The following MTMR7 variants were observed in gnomAD, a reference collection of about 807,000 sequenced individuals.
MTMR7 encodes the protein myotubularin related protein 7.
MTMR7 carries 76 observed loss-of-function variants against 81.2 expected under a neutral mutation model. The ratio of observed to expected loss-of-function variants is 0.94; its 90% CI spans 0.78 to 1.13. The LOEUF (loss-of-function observed/expected upper bound fraction) is 1.13. MTMR7 is among the 50% of genes most tolerant of loss of function. The probability of loss-of-function intolerance (pLI) is 0.00; values close to 1 mark genes in which losing one functional copy is unlikely to be tolerated. For synonymous variants in MTMR7, 372 were observed against 289.8 expected (o/e 1.28, Z -2.88); for missense variants, 1,044 against 820.0 (o/e 1.27, Z -3.34).
chr8:17,375,043 C>T (rs567141044), intron 1 of MTMR7, among the ~76,000 whole-genome samples: 3 of 149,590 alleles, frequency 2.0e-5, no homozygotes, highest in African/African-American at 4.9e-5. Context: ...GAGCCGAGAT[C>T]GCACCACTGC....
intron 10 of MTMR7, among the ~76,000 whole-genome samples, chr8:17,306,708 G>A (rs1309561236): frequency 6.6e-6 from 1 of 152,134 alleles, no homozygotes; most frequent in African/African-American, 2.4e-5. Context: ...TTGAGGAAGA[G>A]GAATGAGCAA....
chr8:17,308,496 G>C (rs1817611110), intron 10 of MTMR7, among the ~76,000 whole-genome samples: 1 of 152,138 alleles, frequency 6.6e-6, no homozygotes, highest in Non-Finnish European at 1.5e-5. Flanking sequence ...AAATATACTT[G>C]AGCAGTTGCA....
At chr8:17,385,502 C>T (rs539743985) in intron 1 of MTMR7, among the ~76,000 whole-genome samples, 8 of 152,308 alleles carry the variant, frequency 5.3e-5, no homozygotes, top group East Asian at 1.9e-4. Context: ...CCCACCACCA[C>T]GTAAGAAGTC....
rs546223732 is a variant in MTMR7, at chr8:17,403,099, A to G, written c.24+10170T>C. Among the ~76,000 whole-genome samples, 29 of 151,948 alleles carry G rather than the reference A, an allele frequency of 1.9e-4. No homozygotes were observed. The South Asian group carries it at 3.9e-3, about 21-fold the overall frequency. ...GTCTATTTTTAAATCAGATTATTAGATTTTTTTTCCTATAGAGTTGTTTGA... is the reference window on the plus strand; with the variant it reads ...GTCTATTTTTAAATCAGATTATTAGGTTTTTTTTCCTATAGAGTTGTTTGA... On this transcript the variant is annotated intron_variant, in intron 1 of 13. Coordinates refer to ENST00000180173, the MANE Select transcript of MTMR7 (RefSeq NM_004686.5).
intron 7 of MTMR7, among the ~76,000 whole-genome samples, chr8:17,321,403 T>C (rs10481438): frequency 0.42 from 64,278 of 152,114 alleles, 15,641 homozygotes; most frequent in East Asian, 0.77. Flanking sequence ...AACATTTCTG[T>C]TTTCAGGAGC....
At chr8:17,324,844 C>A (rs913593792) in intron 7 of MTMR7, among the ~76,000 whole-genome samples, 3 of 152,098 alleles carry the variant, frequency 2.0e-5, no homozygotes, top group Non-Finnish European at 4.4e-5. Flanking sequence ...CCTCCAATAG[C>A]TAAGTAATCT....
chr8:17,316,549 T>C (rs970671311), intron 7 of MTMR7, among the ~76,000 whole-genome samples: 3 of 152,056 alleles, frequency 2.0e-5, no homozygotes, highest in East Asian at 1.9e-4. Flanking sequence ...GGCTGGGTCA[T>C]AGAGTTCCTA....
At chr8:17,403,479 G>C (rs1264968311) in intron 1 of MTMR7, among the ~76,000 whole-genome samples, 1 of 152,060 alleles carries the variant, frequency 6.6e-6, no homozygotes. Context: ...GGTTACGGTA[G>C]CTCTGTAGTA....
intron 4 of MTMR7, chr8:17,349,441 G>A: frequency 5.1e-6 from 1 of 194,508 alleles, no homozygotes; most frequent in Non-Finnish European, 1.1e-5. Context: ...GGATTTGCTT[G>A]AAAGACAGAA....
intron 3 of MTMR7, among the ~76,000 whole-genome samples, chr8:17,362,706 T>C (rs139501097): frequency 1.3e-5 from 2 of 152,310 alleles, no homozygotes; most frequent in East Asian, 3.9e-4. Flanking sequence ...ATATACTTCT[T>C]TCTCATAGCT....
chr8:17,331,402 A>G (rs3213603), intron 6 of MTMR7, 120 bp from the exon 7 acceptor site: 295,433 of 1,066,264 alleles, frequency 0.28, 48,464 homozygotes, highest in African/African-American at 0.55. Flanking sequence ...GAAACATAAT[A>G]CGCTTATTTG....
rs187826231 is a variant in MTMR7 at position 17,364,991 on chromosome 8, C to G, written c.311-3717G>C. Among the ~76,000 whole-genome samples, 60 of 152,328 alleles carry G rather than the reference C, an allele frequency of 3.9e-4. No homozygotes were observed. In the East Asian group the frequency reaches 7.9e-3, roughly 20 times the overall value. Reference sequence around the variant, plus strand: ...TTTTTGTTTGTTGTGGAACCTCCATCTGTTTTCCATAATGGCTTGTACTAA... The same window carrying G: ...TTTTTGTTTGTTGTGGAACCTCCATGTGTTTTCCATAATGGCTTGTACTAA... On this transcript the variant is annotated intron_variant, in intron 3 of 13. Coordinates refer to ENST00000180173, the MANE Select transcript of MTMR7 (RefSeq NM_004686.5).
rs139407552 is a variant in MTMR7, at chr8:17,365,556, C to A, written c.311-4282G>T. 8.6e-3 allele frequency among the ~76,000 whole-genome samples: 1,306 copies of A among 152,266 alleles called. 16 individuals are homozygous for A. Among genetic ancestry groups the A allele is most frequent in the African/African-American group, 0.03 (1,235 of 41,546 alleles). The stretch of plus-strand genomic sequence containing the variant: ...AAGCCAGCATATCCAACTAAAACAT[C>A]TTTTGCTGTTAGTGACCAGCAGCTT... On this transcript the variant is annotated intron_variant, in intron 3 of 13. Transcript: ENST00000180173.
chr8:17,345,258 A>G (rs960768926), intron 5 of MTMR7, among the ~76,000 whole-genome samples: 4 of 152,236 alleles, frequency 2.6e-5, no homozygotes, highest in African/African-American at 7.2e-5. Context: ...AAGGTTCCCA[A>G]GTGAAACAAT....
At chr8:17,376,207 T>C (rs1017713300) in intron 1 of MTMR7, among the ~76,000 whole-genome samples, 1 of 152,234 alleles carries the variant, frequency 6.6e-6, no homozygotes, top group Admixed American at 6.5e-5. Context: ...TTCTTTCACT[T>C]AGCAATCATG....
intron 9 of MTMR7, among the ~76,000 whole-genome samples, chr8:17,311,087 A>G (rs1404108750): frequency 6.6e-6 from 1 of 152,202 alleles, no homozygotes; most frequent in Non-Finnish European, 1.5e-5. Context: ...CTGGAAGTGA[A>G]AACAGTTTTT....
chr8:17,304,288 A>T, intron 12 of MTMR7, 91 bp downstream of exon 12: 1 of 1,392,516 alleles, frequency 7.2e-7, no homozygotes, highest in South Asian at 1.5e-5. Context: ...AGCCTCAAAG[A>T]TCAGTGTCAT....
intron 13 of MTMR7, among the ~76,000 whole-genome samples, chr8:17,301,184 GAT>G (rs2150457880): frequency 6.6e-6 from 1 of 152,352 alleles, no homozygotes; most frequent in South Asian, 2.1e-4. Context: ...AAAAGAGATA[GAT>G]AAATACAGAC....
intron 1 of MTMR7, among the ~76,000 whole-genome samples, chr8:17,406,933 T>C (rs1354124286): frequency 2.6e-5 from 4 of 152,114 alleles, no homozygotes; most frequent in African/African-American, 4.8e-5. Context: ...AGAATGTATA[T>C]TTAGTGGTTA....
Sources: gnomAD v4.1 joint callset for allele counts (sites outside exome capture counted in the v4.1 genomes callset) on GRCh38, gnomAD v4.1.1 for gene constraint, MANE v1.5 for transcripts, NCBI Gene and HGNC (gene_info 2026-07-23, HGNC 2026-07-21) for gene names.